Variants in ORC4 observed in about 807,000 individuals in gnomAD.
The protein encoded by ORC4 is origin recognition complex, subunit 4 homolog.
ORC4 carries 55 observed loss-of-function variants against 63.9 expected under a neutral mutation model. The ratio of observed to expected loss-of-function variants is 0.86; its 90% CI spans 0.69 to 1.08. The LOEUF (loss-of-function observed/expected upper bound fraction) is 1.08. Ranked by LOEUF, ORC4 falls within the 50% of genes least tolerant of loss-of-function variation. ORC4 has a pLI of 0.00. For synonymous variants in ORC4, 150 were observed against 168.5 expected (o/e 0.89, Z 0.85); for missense variants, 511 against 504.4 (o/e 1.01, Z -0.13).
intron 4 of ORC4, among the ~76,000 whole-genome samples, chr2:147,959,334 CAT>C (rs1280886142): frequency 6.6e-6 from 1 of 151,450 alleles, no homozygotes; most frequent in Non-Finnish European, 1.5e-5. Context: ...TGATATCATA[CAT>C]ATCTCTTCAT....
intron 1 of ORC4, among the ~76,000 whole-genome samples, chr2:147,988,699 A>T (rs1691378903): frequency 6.6e-6 from 1 of 152,140 alleles, no homozygotes; most frequent in South Asian, 2.1e-4. Context: ...ATGTAAGTGA[A>T]ATAATCTCAG....
Position 147,972,791 on chromosome 2 carries a change from C to T in ORC4, c.173G>A (p.Gly58Glu), listed in dbSNP as rs747631184. The T allele has an allele frequency of 6.8e-6, 11 of 1,612,386 alleles. No homozygotes were observed. The highest frequency in any genetic ancestry group is 8.5e-6 in the Non-Finnish European group (10 of 1,178,768). The part of the protein sequence containing the change: ...SELLKRTALH[G>E]ESNSVLIIGP... Reference sequence around the variant, plus strand: ...GATAATAAGGACAGAGTTACTCTCTCCATGGAGAGCAGTTCTTTTCAGCAG... The same window carrying T: ...GATAATAAGGACAGAGTTACTCTCTTCATGGAGAGCAGTTCTTTTCAGCAG... The change falls in exon 4 of 14, where the codon GGA becomes GAA. Residue 58 changes from glycine (G) to glutamate (E), a missense_variant. Physicochemically the swap from Gly to Glu is moderately conservative, Grantham distance 98 (BLOSUM62 -2). Coordinates refer to ENST00000392857, the MANE Select transcript of ORC4 (RefSeq NM_181741.4).
intron 2 of ORC4, among the ~76,000 whole-genome samples, chr2:147,975,406 G>A (rs1690491167): frequency 6.6e-6 from 1 of 151,572 alleles, no homozygotes; most frequent in Non-Finnish European, 1.5e-5. Flanking sequence ...GAATGCTGCT[G>A]TTTCTCTAAG....
chr2:147,985,989 A>G (rs1188695014), intron 1 of ORC4, among the ~76,000 whole-genome samples: 1 of 152,220 alleles, frequency 6.6e-6, no homozygotes, highest in Admixed American at 6.5e-5. Flanking sequence ...GAGACAAAAC[A>G]TAGCAGAGGA....
chr2:147,959,437 T>C (rs1689453775), intron 4 of ORC4, among the ~76,000 whole-genome samples: 1 of 152,008 alleles, frequency 6.6e-6, no homozygotes, highest in Non-Finnish European at 1.5e-5. Context: ...GATGGACTGT[T>C]CCTTCCAATA....
chr2:147,941,795 T>C (rs1206807792), intron 10 of ORC4, among the ~76,000 whole-genome samples: 2 of 151,620 alleles, frequency 1.3e-5, no homozygotes, highest in Admixed American at 6.6e-5. Flanking sequence ...CATACACACA[T>C]ACACACACAC....
intron 10 of ORC4, 74 bp downstream of exon 10, chr2:147,943,362 G>C (rs1688473965): frequency 1.0e-6 from 1 of 978,272 alleles, no homozygotes; most frequent in African/African-American, 1.6e-5. Flanking sequence ...ACCAGTCTGA[G>C]CAACAAAGTG....
At chr2:147,950,328 T>C (rs916368420) in intron 8 of ORC4, among the ~76,000 whole-genome samples, 1 of 152,140 alleles carries the variant, frequency 6.6e-6, no homozygotes, top group Non-Finnish European at 1.5e-5. Context: ...GTTGGCAATG[T>C]GGGCATACAG....
At chr2:147,978,937 A>G (rs1193566692) in intron 1 of ORC4, among the ~76,000 whole-genome samples, 1 of 152,216 alleles carries the variant, frequency 6.6e-6, no homozygotes, top group Non-Finnish European at 1.5e-5. Context: ...CTGTCAATAT[A>G]TTAGGTATAA....
rs1452032915 is a variant in ORC4 at position 147,930,872 on chromosome 2, A to G, written c.*4638T>C. 1.1e-4 allele frequency: 13 copies of G among 118,882 alleles called. No homozygotes were observed. Among genetic ancestry groups the G allele is most frequent in the African/African-American group, 4.4e-4 (13 of 29,360 alleles). 7.4% of individuals were successfully genotyped at this position (118,882 alleles called of 1,614,324 possible). On this transcript the variant is annotated 3_prime_UTR_variant, in exon 14 of 14. Coordinates refer to ENST00000392857, the MANE Select transcript of ORC4 (RefSeq NM_181741.4). The stretch of plus-strand genomic sequence containing the variant: ...TTTAGCTATGTTTTTTTTTTTTTTT[A>G]TACTTTAAGTTTTAGGGTACATGTG...
intron 4 of ORC4, among the ~76,000 whole-genome samples, chr2:147,969,257 A>G (rs543053618): frequency 6.6e-6 from 1 of 152,126 alleles, no homozygotes; most frequent in South Asian, 2.1e-4. Flanking sequence ...ATTAACAATA[A>G]TATTTTCCAA....
chr2:148,021,465 G>A (rs945827095), upstream of ORC4: 1 of 530,922 alleles, frequency 1.9e-6, no homozygotes. Flanking sequence ...TGCTGCTGTT[G>A]CTGCTGCTGC....
chr2:148,021,284 G>A (rs17218767), upstream of ORC4: 3 of 364,628 alleles, frequency 8.2e-6, no homozygotes, highest in Non-Finnish European at 1.6e-5. Flanking sequence ...CCTGAGAGGG[G>A]GATTGAGCCT....
At chr2:147,984,752 C>G (rs1691093894) in intron 1 of ORC4, among the ~76,000 whole-genome samples, 1 of 152,186 alleles carries the variant, frequency 6.6e-6, no homozygotes, top group Non-Finnish European at 1.5e-5. Context: ...TTCCCCATGA[C>G]AGTAAGTCCC....
At chr2:147,992,170 C>T (rs1691655402) in intron 1 of ORC4, among the ~76,000 whole-genome samples, 1 of 152,144 alleles carries the variant, frequency 6.6e-6, no homozygotes, top group Admixed American at 6.5e-5. Flanking sequence ...AGTAGGCTAC[C>T]TTCAGGATTT....
At chr2:147,970,190 T>G (rs1690131909) in intron 4 of ORC4, among the ~76,000 whole-genome samples, 1 of 152,088 alleles carries the variant, frequency 6.6e-6, no homozygotes, top group South Asian at 2.1e-4. Context: ...CTACAAAAAC[T>G]GACAAAAGTC....
intron 1 of ORC4, among the ~76,000 whole-genome samples, chr2:147,989,480 C>T (rs2105395019): frequency 6.6e-6 from 1 of 152,164 alleles, no homozygotes; most frequent in African/African-American, 2.4e-5. Context: ...CTGAGGTGGG[C>T]AGATCACTTG....
intron 4 of ORC4, among the ~76,000 whole-genome samples, chr2:147,965,954 C>T (rs903496160): frequency 2.0e-5 from 3 of 152,078 alleles, no homozygotes; most frequent in Admixed American, 2.0e-4. Context: ...ACCTGTAACC[C>T]CAACACTTTG....
At chr2:148,010,566 G>A (rs1033621008) in intron 1 of ORC4, among the ~76,000 whole-genome samples, 1 of 151,978 alleles carries the variant, frequency 6.6e-6, no homozygotes, top group Non-Finnish European at 1.5e-5. Flanking sequence ...TTGAACAACT[G>A]CATGCCAATA....
Sources: allele counts gnomAD v4.1 joint callset (sites outside exome capture counted in the v4.1 genomes callset), GRCh38; gene constraint gnomAD v4.1.1; transcripts MANE v1.5; gene names NCBI Gene and HGNC (gene_info 2026-07-23, HGNC 2026-07-21).